Variants in SLC8A3 observed in about 807,000 individuals in gnomAD.
SLC8A3 encodes the protein solute carrier family 8 member A3.
A neutral mutation model predicts 65.4 loss-of-function variants in SLC8A3; 37 were observed. That is an observed-to-expected ratio of 0.57 (90% CI 0.44 to 0.74). The LOEUF (loss-of-function observed/expected upper bound fraction) is 0.74. SLC8A3 is among the 30% of genes least tolerant of loss of function. The probability of loss-of-function intolerance (pLI) is 0.00; values close to 1 mark genes in which losing one functional copy is unlikely to be tolerated. For synonymous variants in SLC8A3, 461 were observed against 444.5 expected, an observed-to-expected ratio of 1.04 and a Z score of -0.47; for missense variants, 1,112 against 1,172.1, an observed-to-expected ratio of 0.95 and a Z score of 0.75.
rs1313544554 is a variant in SLC8A3 at position 70,045,987 on chromosome 14, A to G, written c.2726T>C (p.Phe909Ser). The G allele has an allele frequency of 4.4e-6, 7 of 1,607,632 alleles. No homozygotes were observed. The highest frequency in any genetic ancestry group is 6.0e-6 in the Non-Finnish European group (7 of 1,175,554). Residue 909 changes from phenylalanine (F) to serine (S), a missense_variant, in exon 7 of 7, where the codon TTT becomes TCT. Physicochemically the swap from Phe to Ser is radical, Grantham distance 155. Transcript: ENST00000356921. ...FVSLWLLYILFATLEAYCYIK... is the reference protein window; with the variant it reads ...FVSLWLLYILSATLEAYCYIK... ...GTAGCAATAGGCCTCTAGTGTGGCA[A>G]AGAGTATGTAGAGGAGCCACAGGCT...
intron 3 of SLC8A3, chr14:70,059,529 A>G (rs1355881112): frequency 3.7e-4 from 56 of 152,250 alleles, no homozygotes; most frequent in Non-Finnish European, 2.9e-5. Flanking sequence ...ATTGGAAGCC[A>G]TTCAAAGTAG....
chr14:70,113,457 C>T (rs914257551), intron 2 of SLC8A3, among the ~76,000 whole-genome samples: 1 of 152,178 alleles, frequency 6.6e-6, no homozygotes, highest in African/African-American at 2.4e-5. Flanking sequence ...CATTATGCAG[C>T]GCATGATTGT....
intron 2 of SLC8A3, among the ~76,000 whole-genome samples, chr14:70,072,891 G>T (rs569459464): frequency 2.0e-5 from 3 of 152,020 alleles, no homozygotes; most frequent in East Asian, 3.9e-4. Flanking sequence ...CAGGTGATCC[G>T]CCTGCTTTGG....
intron 2 of SLC8A3, among the ~76,000 whole-genome samples, chr14:70,147,590 C>T (rs57013896): frequency 0.036 from 5,411 of 152,252 alleles, 323 homozygotes; most frequent in African/African-American, 0.12. Context: ...TTAAGGGAAA[C>T]TGTCCTGAGT....
intron 2 of SLC8A3, among the ~76,000 whole-genome samples, chr14:70,081,585 G>A (rs1360627554): frequency 6.6e-6 from 1 of 152,164 alleles, no homozygotes; most frequent in Non-Finnish European, 1.5e-5. Context: ...GGGTCATCAA[G>A]GTCCAGGTGA....
chr14:70,114,919 A>G, intron 2 of SLC8A3, among the ~76,000 whole-genome samples: 1 of 152,114 alleles, frequency 6.6e-6, no homozygotes, highest in East Asian at 1.9e-4. Flanking sequence ...CTCTCCCGTG[A>G]CCAGGCAGGG....
At chr14:70,079,698 A>G in intron 2 of SLC8A3, among the ~76,000 whole-genome samples, 1 of 151,170 alleles carries the variant, frequency 6.6e-6, no homozygotes, top group Non-Finnish European at 1.5e-5. Flanking sequence ...CTCCCCCTTC[A>G]TTTTCCTCAG....
chr14:70,045,743 G>A lies in SLC8A3; in HGVS notation c.*204C>T, dbSNP rs1333346950. Reference sequence around the variant, plus strand: ...TGTATTCAATTAAATACTGTGTAAAGTCGGTGATTCCTCCATTGTTTGATT... The same window carrying A: ...TGTATTCAATTAAATACTGTGTAAAATCGGTGATTCCTCCATTGTTTGATT... On this transcript the variant is annotated 3_prime_UTR_variant, in exon 7 of 7. Transcript: ENST00000356921. 2 of 515,622 alleles carry A rather than the reference G, an allele frequency of 3.9e-6. No homozygotes were observed. The highest frequency in any genetic ancestry group is 5.7e-5 in the East Asian group (2 of 34,926). The allele number at this position is 515,622 out of a possible 1,614,324, so 31.9% of individuals were successfully genotyped here. A position where few individuals can be genotyped will look rare whatever the true frequency, so the allele number is the denominator to read the frequency against.
intron 2 of SLC8A3, among the ~76,000 whole-genome samples, chr14:70,126,829 T>C (rs1352917318): frequency 6.6e-6 from 1 of 151,990 alleles, no homozygotes; most frequent in East Asian, 1.9e-4. Flanking sequence ...TCAAAGGAAA[T>C]GTTCATTGGA....
chr14:70,141,757 A>G (rs984164262), intron 2 of SLC8A3, among the ~76,000 whole-genome samples: 3 of 152,246 alleles, frequency 2.0e-5, no homozygotes, highest in Non-Finnish European at 4.4e-5. Context: ...TCAGGAATCA[A>G]TTAATGTATA....
At chr14:70,089,182 C>T (rs780026209) in intron 2 of SLC8A3, among the ~76,000 whole-genome samples, 1 of 152,170 alleles carries the variant, frequency 6.6e-6, no homozygotes, top group Non-Finnish European at 1.5e-5. Flanking sequence ...CTCTTCCTTG[C>T]CCAGTTCCAC....
intron 2 of SLC8A3, among the ~76,000 whole-genome samples, chr14:70,100,891 A>G (rs1400609772): frequency 6.6e-6 from 1 of 152,234 alleles, no homozygotes; most frequent in Non-Finnish European, 1.5e-5. Flanking sequence ...TGTGTCTCAC[A>G]ATCTTTATCT....
chr14:70,062,582 G>A (rs1888930541), intron 2 of SLC8A3, among the ~76,000 whole-genome samples: 1 of 152,212 alleles, frequency 6.6e-6, no homozygotes, highest in South Asian at 2.1e-4. Context: ...GTTTGTGAAA[G>A]TACACTCTAT....
chr14:70,138,282 T>C (rs1444971988), intron 2 of SLC8A3, among the ~76,000 whole-genome samples: 2 of 152,184 alleles, frequency 1.3e-5, no homozygotes, highest in Non-Finnish European at 2.9e-5. Flanking sequence ...TAAGCTCCGC[T>C]GGGCAGGGAT....
intron 2 of SLC8A3, among the ~76,000 whole-genome samples, chr14:70,145,295 C>T (rs1411963039): frequency 6.6e-6 from 1 of 152,174 alleles, no homozygotes; most frequent in Non-Finnish European, 1.5e-5. Context: ...CCTTACATAT[C>T]AATTTTACAC....
intron 2 of SLC8A3, among the ~76,000 whole-genome samples, chr14:70,084,634 G>C (rs1445251417): frequency 6.6e-6 from 1 of 152,156 alleles, no homozygotes; most frequent in Non-Finnish European, 1.5e-5. Context: ...GAGGGAATGT[G>C]GTGTTTTGGA....
At chr14:70,126,846 T>C (rs556940160) in intron 2 of SLC8A3, among the ~76,000 whole-genome samples, 57 of 152,164 alleles carry the variant, frequency 3.7e-4, no homozygotes, top group Non-Finnish European at 7.8e-4. Flanking sequence ...TGGAGCAGTT[T>C]AGATTTCAGT....
chr14:70,168,632 A>G (rs1897320931), intron 1 of SLC8A3, 148 bp from the exon 2 acceptor site: 2 of 566,504 alleles, frequency 3.5e-6, no homozygotes, highest in South Asian at 2.3e-5. Context: ...ATAGATGTCA[A>G]TGGGAGGCAC....
chr14:70,114,690 T>C (rs1366592543), intron 2 of SLC8A3, among the ~76,000 whole-genome samples: 7 of 152,224 alleles, frequency 4.6e-5, no homozygotes, highest in Admixed American at 4.6e-4. Context: ...TCTGCAATTA[T>C]ATAACCCTTC....
Sources: gnomAD v4.1 joint callset for allele counts (sites outside exome capture counted in the v4.1 genomes callset) on GRCh38, gnomAD v4.1.1 for gene constraint, MANE v1.5 for transcripts, NCBI Gene and HGNC (gene_info 2026-07-23, HGNC 2026-07-21) for gene names.